Variants in COL25A1 observed in about 807,000 individuals in gnomAD.
The protein encoded by COL25A1 is collagen alpha-1(XXV) chain.
Under a neutral mutation model 128.4 loss-of-function variants are expected in COL25A1, and 103 were observed. The ratio of observed to expected loss-of-function variants is 0.80; its 90% CI spans 0.68 to 0.94. The LOEUF (loss-of-function observed/expected upper bound fraction) is 0.94, where lower values mean the gene tolerates loss of function less well. COL25A1 is among the 40% of genes least tolerant of loss of function. The probability of loss-of-function intolerance (pLI) is 0.00; values close to 1 mark genes in which losing one functional copy is unlikely to be tolerated. For synonymous variants in COL25A1, 279 were observed against 277.2 expected (o/e 1.01, Z -0.06); for missense variants, 745 against 840.0 (o/e 0.89, Z 1.40).
intron 8 of COL25A1, among the ~76,000 whole-genome samples, chr4:108,962,987 T>C (rs924394996): frequency 1.7e-4 from 26 of 152,182 alleles, no homozygotes; most frequent in African/African-American, 6.3e-4. Flanking sequence ...CTGTGTCTGC[T>C]ACAGGGGGCT....
intron 8 of COL25A1, among the ~76,000 whole-genome samples, chr4:108,954,497 T>C (rs1195556877): frequency 6.6e-6 from 1 of 151,980 alleles, no homozygotes; most frequent in Non-Finnish European, 1.5e-5. Context: ...TACTTCCAAA[T>C]CTCAAGTACT....
chr4:108,854,205 A>C (rs1038585662), intron 24 of COL25A1: 10 of 152,184 alleles, frequency 6.6e-5, no homozygotes, highest in African/African-American at 2.4e-4. Flanking sequence ...TAAACCTTAT[A>C]CAAAAATTAA....
At chr4:109,028,706 C>T (rs983524902) in intron 5 of COL25A1, among the ~76,000 whole-genome samples, 1 of 151,270 alleles carries the variant, frequency 6.6e-6, no homozygotes, top group Non-Finnish European at 1.5e-5. Flanking sequence ...AGCCTGGCGA[C>T]AGAGCGGGAC....
chr4:109,048,057 A>T, intron 5 of COL25A1, 111 bp downstream of exon 5: 1 of 1,225,584 alleles, frequency 8.2e-7, no homozygotes, highest in Non-Finnish European at 1.2e-6. Context: ...TTAAAAGGTC[A>T]GTAACATTTT....
intron 8 of COL25A1, among the ~76,000 whole-genome samples, chr4:108,972,192 C>A (rs1578938352): frequency 1.3e-5 from 2 of 151,988 alleles, no homozygotes; most frequent in East Asian, 3.9e-4. Flanking sequence ...AAGAAATAAA[C>A]TATTGGAAAC....
chr4:108,835,275 C>T (rs1017633751), intron 31 of COL25A1, among the ~76,000 whole-genome samples: 6 of 151,978 alleles, frequency 3.9e-5, no homozygotes, highest in Non-Finnish European at 7.4e-5. Context: ...GTCTCAAAGC[C>T]CAAATATTTA....
intron 20 of COL25A1, among the ~76,000 whole-genome samples, chr4:108,868,609 AG>A (rs1738251405): frequency 1.4e-5 from 2 of 145,894 alleles, no homozygotes; most frequent in East Asian, 4.5e-4. Context: ...AGAAAGAAAA[AG>A]AAAGAAAGAA....
In COL25A1 at chr4:108,941,379, C is replaced by T. The variant is rs748116911; in HGVS notation, c.551G>A (p.Arg184His). The T allele has an allele frequency of 3.6e-5, 58 of 1,613,402 alleles. No homozygotes were observed. Among genetic ancestry groups the T allele is most frequent in the Non-Finnish European group, 4.4e-5 (52 of 1,179,542 alleles). ...FLSADQQLIKRRLIKGDQGQA... is the reference protein window; with the variant it reads ...FLSADQQLIKHRLIKGDQGQA... Reference sequence around the variant, plus strand: ...AATAAGCACTACCTTAATCAGGCGGCGTTTAATGAGCTGCTGATCAGCAGA... The same window carrying T: ...AATAAGCACTACCTTAATCAGGCGGTGTTTAATGAGCTGCTGATCAGCAGA... Residue 184 changes from arginine to histidine, a missense_variant, in exon 9 of 38, where the codon CGC becomes CAC. Arg to His is a conservative substitution (Grantham distance 29). This residue lies in a region of COL25A1 where 319 missense variants were observed against 324.9 expected (regional missense o/e 0.98). Coordinates refer to ENST00000399132, the MANE Select transcript of COL25A1 (RefSeq NM_198721.4).
In COL25A1 at chr4:109,080,537, C is replaced by T. The variant is rs947520085; in HGVS notation, c.368-30358G>A. Among the ~76,000 whole-genome samples, 11 of 152,206 alleles carry T rather than the reference C, an allele frequency of 7.2e-5. No homozygotes were observed. In the East Asian group the frequency reaches 2.1e-3, roughly 29 times the overall value. The stretch of plus-strand genomic sequence containing the variant: ...TCCAACAACTCCTCTATTTTTCTCA[C>T]CTAAATAACCCAACATATAGGATTA... On this transcript the variant is annotated intron_variant, in intron 3 of 37. Coordinates refer to ENST00000399132, the MANE Select transcript of COL25A1 (RefSeq NM_198721.4).
intron 3 of COL25A1, among the ~76,000 whole-genome samples, chr4:109,089,477 T>C (rs1764710636): frequency 6.6e-6 from 1 of 152,242 alleles, no homozygotes; most frequent in Non-Finnish European, 1.5e-5. Flanking sequence ...TTTTATTTAC[T>C]CTGCTTTTTC....
At chr4:109,092,243 A>C (rs1261314094) in intron 3 of COL25A1, among the ~76,000 whole-genome samples, 2 of 152,218 alleles carry the variant, frequency 1.3e-5, no homozygotes, top group Admixed American at 1.3e-4. Context: ...TGGGAGGCTG[A>C]GGTCAAAGGA....
rs536254724 is a variant in COL25A1, at chr4:109,014,034, T to C, written c.421-3659A>G. 2.1e-4 allele frequency among the ~76,000 whole-genome samples: 32 copies of C among 152,240 alleles called. No homozygotes were observed. The South Asian group carries it at 6.6e-3, about 32-fold the overall frequency. On this transcript the variant is annotated intron_variant, in intron 5 of 37. Transcript: ENST00000399132. ...AGAAATGTGAACATGTGGCTGGGTG[T>C]GGTGGCTCATGCCTGTAATTCCAGC... is the stretch of plus-strand genomic sequence containing the variant.
intron 3 of COL25A1, among the ~76,000 whole-genome samples, chr4:109,075,461 A>G (rs1175564827): frequency 6.6e-6 from 1 of 152,090 alleles, no homozygotes; most frequent in Non-Finnish European, 1.5e-5. Flanking sequence ...GAAGGGGGAA[A>G]TGATCATAAG....
At chr4:109,116,810 T>C (rs1282164263) in intron 3 of COL25A1, among the ~76,000 whole-genome samples, 1 of 151,852 alleles carries the variant, frequency 6.6e-6, no homozygotes, top group Non-Finnish European at 1.5e-5. Context: ...ACAGAAATTA[T>C]AAAAAAGCAT....
At chr4:109,189,529 C>A (rs543821717) in intron 3 of COL25A1, among the ~76,000 whole-genome samples, 2 of 113,538 alleles carry the variant, frequency 1.8e-5, no homozygotes, top group South Asian at 5.5e-4. Flanking sequence ...GGCTGGGTGA[C>A]AGAGAGAGAC....
intron 19 of COL25A1, among the ~76,000 whole-genome samples, chr4:108,880,845 G>A (rs1169535331): frequency 6.6e-6 from 1 of 152,184 alleles, no homozygotes; most frequent in Admixed American, 6.5e-5. Context: ...CAAAATAAGT[G>A]TAGAGAGCAA....
At chr4:108,816,246 T>C (rs1578434049) in intron 37 of COL25A1, among the ~76,000 whole-genome samples, 1 of 152,286 alleles carries the variant, frequency 6.6e-6, no homozygotes, top group East Asian at 1.9e-4. Flanking sequence ...TAGGTGAAAC[T>C]GATTAAGAAA....
Position 108,940,530 on chromosome 4 carries a change from G to C in COL25A1, c.672+9C>G. On this transcript the variant is annotated intron_variant, in intron 10 of 37. Coordinates refer to ENST00000399132, the MANE Select transcript of COL25A1 (RefSeq NM_198721.4). ...CGTGTGAGAATAAGTGATCCAAAAAGCGACTCACGGGTACTCCTGGCATTC... is the reference window on the plus strand; with the variant it reads ...CGTGTGAGAATAAGTGATCCAAAAACCGACTCACGGGTACTCCTGGCATTC... 1 of 1,608,878 alleles carries C rather than the reference G, an allele frequency of 6.2e-7. No individual in the cohort carries two copies. Among genetic ancestry groups the C allele is most frequent in the Non-Finnish European group, 8.5e-7 (1 of 1,175,256 alleles).
chr4:109,088,753 C>A (rs898709542), intron 3 of COL25A1, among the ~76,000 whole-genome samples: 1 of 152,158 alleles, frequency 6.6e-6, no homozygotes. Context: ...CTCTTCTCTG[C>A]GGGGCCACAT....
Sources: gnomAD v4.1 joint callset for allele counts (sites outside exome capture counted in the v4.1 genomes callset) on GRCh38, gnomAD v4.1.1 for gene constraint, gnomAD v4.1.1 regional missense constraint, MANE v1.5 for transcripts, NCBI Gene and HGNC (gene_info 2026-07-23, HGNC 2026-07-21) for gene names.